Variants in CCSER1 observed in about 807,000 individuals in gnomAD.
CCSER1 encodes coiled-coil serine rich protein 1.
In CCSER1, 41 loss-of-function variants were observed where a neutral mutation model predicts 82.0. The ratio of observed to expected loss-of-function variants is 0.50; its 90% confidence interval spans 0.39 to 0.65. The LOEUF (loss-of-function observed/expected upper bound fraction) is 0.65. Among genes scored for constraint, CCSER1 ranks in the 30% least tolerant of loss-of-function variants. The probability of loss-of-function intolerance (pLI) is 0.00; values close to 1 mark genes in which losing one functional copy is unlikely to be tolerated. For missense variants in CCSER1, 1,119 were observed against 1,064.2 expected (o/e 1.05, Z -0.72); for synonymous variants, 414 against 383.9 (o/e 1.08, Z -0.92).
At chr4:91,122,990 A>T (rs1727216378) in intron 10 of CCSER1, among the ~76,000 whole-genome samples, 1 of 151,720 alleles carries the variant, frequency 6.6e-6, no homozygotes, top group Admixed American at 6.6e-5. Context: ...ACCTAACCAA[A>T]TTTTCATATA....
chr4:91,114,624 T>G (rs1002806904), intron 10 of CCSER1, among the ~76,000 whole-genome samples: 2 of 152,198 alleles, frequency 1.3e-5, no homozygotes, highest in African/African-American at 4.8e-5. Context: ...TCATCCTGCT[T>G]CCTGCTCTTT....
intron 10 of CCSER1, among the ~76,000 whole-genome samples, chr4:91,532,762 C>A (rs143025403): frequency 6.6e-6 from 1 of 151,644 alleles, no homozygotes; most frequent in Non-Finnish European, 1.5e-5. Flanking sequence ...CCCAGCTACC[C>A]GAGAGGCTGA....
chr4:90,753,514 G>C (rs1012085096), intron 7 of CCSER1, among the ~76,000 whole-genome samples: 1 of 152,064 alleles, frequency 6.6e-6, no homozygotes, highest in Non-Finnish European at 1.5e-5. Context: ...CATTCTGTGA[G>C]CAATTCTGTG....
At chr4:90,708,350 A>G (rs1157138414) in intron 6 of CCSER1, among the ~76,000 whole-genome samples, 1 of 152,216 alleles carries the variant, frequency 6.6e-6, no homozygotes, top group Non-Finnish European at 1.5e-5. Flanking sequence ...CGTTCTCTGC[A>G]TGTGATCCTG....
intron 8 of CCSER1, chr4:90,838,990 C>T (rs781604404): frequency 3.1e-6 from 5 of 1,612,828 alleles, no homozygotes; most frequent in Non-Finnish European, 4.2e-6. Flanking sequence ...TCTTCAGTTT[C>T]GGCTTATCGA....
chr4:91,065,518 T>A (rs1720713911), intron 9 of CCSER1, among the ~76,000 whole-genome samples: 1 of 152,088 alleles, frequency 6.6e-6, no homozygotes, highest in Non-Finnish European at 1.5e-5. Flanking sequence ...TCAAAAAAAA[T>A]CCCATTGGAT....
chr4:91,344,469 G>C (rs1881454), intron 10 of CCSER1, among the ~76,000 whole-genome samples: 113,879 of 152,180 alleles, frequency 0.75, 43,574 homozygotes, highest in African/African-American at 0.91. Context: ...GAAAAAGTAA[G>C]TGTAATGTAA....
chr4:90,366,517 T>C (rs931541072), intron 3 of CCSER1, among the ~76,000 whole-genome samples: 11 of 151,826 alleles, frequency 7.2e-5, no homozygotes, highest in African/African-American at 2.4e-4. Context: ...ACATTTGAAA[T>C]TTAGATTTTG....
At chr4:90,303,560 C>A (rs1426151213) in intron 1 of CCSER1, among the ~76,000 whole-genome samples, 1 of 151,962 alleles carries the variant, frequency 6.6e-6, no homozygotes, top group African/African-American at 2.4e-5. Flanking sequence ...AAAGGATTCC[C>A]TATTTAATAA....
At chr4:91,180,187 G>A (rs190150770) in intron 10 of CCSER1, among the ~76,000 whole-genome samples, 2 of 152,292 alleles carry the variant, frequency 1.3e-5, no homozygotes, top group East Asian at 1.9e-4. Context: ...TCTCAGAGGG[G>A]CACCCGGCTG....
intron 7 of CCSER1, among the ~76,000 whole-genome samples, chr4:90,788,856 A>G (rs1410900808): frequency 6.6e-6 from 1 of 152,168 alleles, no homozygotes; most frequent in Non-Finnish European, 1.5e-5. Flanking sequence ...GTTTACAGAT[A>G]GTTCTCTGCC....
At chr4:90,134,055 A>G (rs185474332) in intron 1 of CCSER1, among the ~76,000 whole-genome samples, 79 of 152,336 alleles carry the variant, frequency 5.2e-4, no homozygotes, top group African/African-American at 1.8e-3. Flanking sequence ...AACAATAGCA[A>G]TGACTGTAAT....
chr4:90,707,810 C>T (rs897394890), intron 6 of CCSER1, among the ~76,000 whole-genome samples: 1 of 152,078 alleles, frequency 6.6e-6, no homozygotes. Context: ...CTAGAAGCCA[C>T]CTACCTCAGG....
chr4:90,538,578 T>C (rs892409983), intron 5 of CCSER1, among the ~76,000 whole-genome samples: 1 of 152,156 alleles, frequency 6.6e-6, no homozygotes, highest in African/African-American at 2.4e-5. Context: ...TCATAAACTT[T>C]AGATTGAGTG....
At chr4:91,437,367 CAAG>C (rs1754727550) in intron 10 of CCSER1, among the ~76,000 whole-genome samples, 1 of 152,108 alleles carries the variant, frequency 6.6e-6, no homozygotes. Flanking sequence ...TGTCATAAAA[CAAG>C]AAAAATATTG....
At chr4:90,506,401 C>T (rs1287725184) in intron 5 of CCSER1, among the ~76,000 whole-genome samples, 1 of 152,088 alleles carries the variant, frequency 6.6e-6, no homozygotes, top group African/African-American at 2.4e-5. Context: ...CTGAAGAACT[C>T]TTGTGGTTGG....
Position 90,309,422 on chromosome 4 carries a change from CA to C in CCSER1, c.1142del (p.Asn381MetfsTer23). On this transcript the variant is annotated frameshift_variant, in exon 2 of 11. Transcript: ENST00000509176. LOFTEE classifies it high-confidence loss of function. ...DSEREENIGL[Q>X]NGETMLGTNS... ...TGAAAGAGAAGAAAATATAGGGTTA[CA>C]AAATGGTGAAACAATGCTGGGGACA... is the stretch of plus-strand genomic sequence containing the variant. 1 of 1,613,728 alleles carries C rather than the reference CA, an allele frequency of 6.2e-7. No homozygotes were observed. The highest frequency in any genetic ancestry group is 8.5e-7 in the Non-Finnish European group (1 of 1,179,768).
intron 7 of CCSER1, among the ~76,000 whole-genome samples, chr4:90,741,073 G>A (rs756144140): frequency 2.6e-5 from 4 of 152,064 alleles, no homozygotes; most frequent in South Asian, 2.1e-4. Flanking sequence ...TGAATACTGC[G>A]GTAGAGTTCA....
At chr4:90,906,030 T>C (rs1725420370) in intron 8 of CCSER1, among the ~76,000 whole-genome samples, 1 of 152,168 alleles carries the variant, frequency 6.6e-6, no homozygotes, top group African/African-American at 2.4e-5. Flanking sequence ...AAATTACAGA[T>C]ACTCATTAAA....
Sources: allele counts gnomAD v4.1 joint callset (sites outside exome capture counted in the v4.1 genomes callset), GRCh38; gene constraint gnomAD v4.1.1; transcripts MANE v1.5; gene names NCBI Gene and HGNC (gene_info 2026-07-23, HGNC 2026-07-21).